Variants in CDH11 observed in about 807,000 individuals in gnomAD.
The protein encoded by CDH11 is cadherin 11, also known as cadherin-11.
CDH11 carries 11 observed loss-of-function variants against 67.8 expected under a neutral mutation model. The ratio of observed to expected loss-of-function variants is 0.16; its 90% CI spans 0.10 to 0.27. The LOEUF is 0.27. Among genes scored for constraint, CDH11 ranks in the 10% least tolerant of loss-of-function variants. CDH11 has a pLI of 1.00. For missense variants in CDH11, 847 were observed against 1,031.2 expected (o/e 0.82, Z 2.45); for synonymous variants, 419 against 400.0 (o/e 1.05, Z -0.57).
At position 65,045,848 on chromosome 16, in the gene CDH11, G is replaced by T. The variant is rs142716730; in HGVS notation, c.-173+7956C>A. ...TGTCTTATTTGTCTGTCACCCAGTA[G>T]ATCCTAGGGACCCAGTCTGCAAGGA... On this transcript the variant is annotated intron_variant, in intron 2 of 12. Transcript: ENST00000268603. 8.1e-3 allele frequency among the ~76,000 whole-genome samples: 1,237 copies of T among 152,254 alleles called. 10 individuals are homozygous for T. Among genetic ancestry groups the T allele is most frequent in the Middle Eastern group, 0.017 (5 of 294 alleles).
At chr16:65,001,176 G>A (rs2072911853) in intron 3 of CDH11, among the ~76,000 whole-genome samples, 1 of 152,134 alleles carries the variant, frequency 6.6e-6, no homozygotes, top group South Asian at 2.1e-4. Context: ...GAATTACAAA[G>A]ACCATTTTGT....
At chr16:65,033,237 AACACAC>A (rs57645922) in intron 2 of CDH11, among the ~76,000 whole-genome samples, 7 of 139,518 alleles carry the variant, frequency 5.0e-5, no homozygotes, top group South Asian at 4.7e-4. Context: ...AAACTAGGAA[AACACAC>A]ACACACACAC....
intron 1 of CDH11, among the ~76,000 whole-genome samples, chr16:65,080,769 A>G (rs1036856826): frequency 5.3e-5 from 8 of 152,280 alleles, no homozygotes; most frequent in Non-Finnish European, 1.2e-4. Flanking sequence ...TTCTTTAGTC[A>G]TCATTTTGCT....
intron 1 of CDH11, among the ~76,000 whole-genome samples, chr16:65,074,567 C>A (rs1343019246): frequency 6.6e-6 from 1 of 152,088 alleles, no homozygotes; most frequent in Non-Finnish European, 1.5e-5. Context: ...CCCAAGAAAG[C>A]ACCCAAGAAT....
chr16:64,995,645 GA>G (rs1244346056), intron 4 of CDH11, among the ~76,000 whole-genome samples: 2 of 151,960 alleles, frequency 1.3e-5, no homozygotes, highest in African/African-American at 4.8e-5. Flanking sequence ...ATGCCCTAGA[GA>G]AAAAAACCCA....
intron 1 of CDH11, among the ~76,000 whole-genome samples, chr16:65,074,508 T>C (rs971489773): frequency 6.6e-6 from 1 of 152,170 alleles, no homozygotes; most frequent in Non-Finnish European, 1.5e-5. Context: ...AATTCATATA[T>C]ATATACACAC....
Position 65,072,690 on chromosome 16 carries a change from C to T in CDH11, c.-297-18762G>A, listed in dbSNP as rs141042425. ...TACTTGTATATTGAAGAAAAGGATG[C>T]ATGAAATTGCTTTAGAACTTTAAAA... is the stretch of plus-strand genomic sequence containing the variant. On this transcript the variant is annotated intron_variant, in intron 1 of 12. Coordinates refer to ENST00000268603, the MANE Select transcript of CDH11 (RefSeq NM_001797.4). Among the ~76,000 whole-genome samples, 14 of 152,288 alleles carry T rather than the reference C, an allele frequency of 9.2e-5. No homozygotes were observed. In the East Asian group the frequency reaches 2.5e-3, roughly 27 times the overall value.
intron 3 of CDH11, among the ~76,000 whole-genome samples, chr16:65,004,344 G>A (rs892088483): frequency 6.6e-6 from 1 of 152,208 alleles, no homozygotes; most frequent in Non-Finnish European, 1.5e-5. Context: ...CTGCATGCCA[G>A]TCTGGGCAAC....
intron 1 of CDH11, among the ~76,000 whole-genome samples, chr16:65,083,568 G>A (rs1047434599): frequency 6.6e-6 from 1 of 152,226 alleles, no homozygotes; most frequent in African/African-American, 2.4e-5. Flanking sequence ...CTTACATGGG[G>A]CCTTTCCCAT....
chr16:64,947,347 A>AT lies in CDH11; in HGVS notation c.*255dup. Reference sequence around the variant, plus strand: ...CGTTAGACTTCTCCTTCACTTAAATATTTTGTATGCCAAGTGTTTTTTTTT... The same window carrying AT: ...CGTTAGACTTCTCCTTCACTTAAATATTTTTGTATGCCAAGTGTTTTTTTTT... On this transcript the variant is annotated 3_prime_UTR_variant, in exon 13 of 13. Coordinates refer to ENST00000268603, the MANE Select transcript of CDH11 (RefSeq NM_001797.4). 8.0e-7 allele frequency: 1 copy of AT among 1,252,392 alleles called. No homozygotes were observed. The highest frequency in any genetic ancestry group is 1.0e-6 in the Non-Finnish European group (1 of 995,406). 77.6% of individuals were successfully genotyped at this position (1,252,392 alleles called of 1,614,324 possible). A position where few individuals can be genotyped will look rare whatever the true frequency, so the allele number is the denominator to read the frequency against.
intron 2 of CDH11, among the ~76,000 whole-genome samples, chr16:65,040,997 C>T (rs1189391400): frequency 6.6e-6 from 1 of 152,184 alleles, no homozygotes; most frequent in African/African-American, 2.4e-5. Flanking sequence ...TCAGTAGCTA[C>T]TATTTTTAGA....
chr16:64,992,505 A>G (rs2072654456), intron 5 of CDH11, among the ~76,000 whole-genome samples: 1 of 152,264 alleles, frequency 6.6e-6, no homozygotes. Flanking sequence ...TGAATTCTGC[A>G]TGATTGCTGG....
intron 1 of CDH11, among the ~76,000 whole-genome samples, chr16:65,079,313 T>C (rs766813070): frequency 6.6e-6 from 1 of 152,174 alleles, no homozygotes; most frequent in Non-Finnish European, 1.5e-5. Context: ...TGAGGGGAAA[T>C]ATTATTTTTA....
At position 65,113,016 on chromosome 16, in the gene CDH11, G is replaced by A. The variant is rs1429416733; in HGVS notation, c.-298+8864C>T. On this transcript the variant is annotated intron_variant, in intron 1 of 12. Transcript: ENST00000268603. ...TAAAAAATGACTTTTGGCCAGGCAC[G>A]CTGGCTCACGCCTGTAATCCCAGCA... Among the ~76,000 whole-genome samples, 9 of 152,172 alleles carry A rather than the reference G, an allele frequency of 5.9e-5. No homozygotes were observed. The South Asian group carries it at 6.2e-4, about 10-fold the overall frequency.
intron 8 of CDH11, 80 bp downstream of exon 8, chr16:64,981,968 C>T (rs1597049030): frequency 1.2e-5 from 16 of 1,282,888 alleles, no homozygotes; most frequent in East Asian, 9.4e-5. Context: ...AATTGAAAAA[C>T]GTGGTTCCTA....
chr16:65,045,329 G>GTGTATATA (rs71376755), intron 2 of CDH11, among the ~76,000 whole-genome samples: 17 of 63,264 alleles, frequency 2.7e-4, no homozygotes, highest in African/African-American at 1.0e-3. Flanking sequence ...TCCCTCAAAA[G>GTGTATATA]TATATATATA....
intron 11 of CDH11, among the ~76,000 whole-genome samples, chr16:64,964,572 G>A (rs186332049): frequency 1.3e-3 from 191 of 151,686 alleles, no homozygotes; most frequent in Non-Finnish European, 2.2e-3. Flanking sequence ...ATTTTGAGAC[G>A]GAGTCTTGCT....
intron 6 of CDH11, among the ~76,000 whole-genome samples, chr16:64,988,853 G>C (rs2072559807): frequency 1.3e-5 from 2 of 151,912 alleles, no homozygotes; most frequent in African/African-American, 4.8e-5. Context: ...CTCTATATTC[G>C]ACACTCCCCT....
chr16:65,008,636 T>C (rs1352242496), intron 2 of CDH11, among the ~76,000 whole-genome samples: 5 of 152,174 alleles, frequency 3.3e-5, no homozygotes, highest in Admixed American at 1.3e-4. Flanking sequence ...TTATGCAGAC[T>C]TACGCTTCTA....
Sources: gnomAD v4.1 joint callset for allele counts (sites outside exome capture counted in the v4.1 genomes callset) on GRCh38, gnomAD v4.1.1 for gene constraint, MANE v1.5 for transcripts, NCBI Gene and HGNC (gene_info 2026-07-23, HGNC 2026-07-21) for gene names.